DPYS: variants seen among roughly 807,000 people sequenced by gnomAD.
DPYS encodes the protein dihydropyrimidine amidohydrolase.
Under a neutral mutation model 50.3 loss-of-function variants are expected in DPYS, and 39 were observed. The ratio of observed to expected loss-of-function variants is 0.78; its 90% CI spans 0.60 to 1.01. The LOEUF (loss-of-function observed/expected upper bound fraction) is 1.01. Among genes scored for constraint, DPYS ranks in the 50% least tolerant of loss-of-function variants. The probability of loss-of-function intolerance (pLI) is 0.00; values close to 1 mark genes in which losing one functional copy is unlikely to be tolerated. For synonymous variants in DPYS, 245 were observed against 250.7 expected (o/e 0.98, Z 0.22); for missense variants, 659 against 680.9 (o/e 0.97, Z 0.36).
intron 9 of DPYS, 94 bp downstream of exon 9, chr8:104,381,090 G>A (rs1811014693): frequency 9.7e-7 from 1 of 1,033,888 alleles, no homozygotes; most frequent in African/African-American, 1.6e-5. Context: ...TCACTGTGAA[G>A]CCTCTGACCT....
In DPYS at chr8:104,379,664, T is replaced by C. The variant is rs1261833795; in HGVS notation, c.*194A>G. On this transcript the variant is annotated 3_prime_UTR_variant, in exon 10 of 10. Transcript: ENST00000351513. ...ATATAAATTTATACCTTCAATCTTA[T>C]GCAGCAACAAAAACACAGTGAGAAA... is the stretch of plus-strand genomic sequence containing the variant. 2.6e-6 allele frequency: 1 copy of C among 377,382 alleles called. No homozygotes were observed. The highest frequency in any genetic ancestry group is 5.3e-6 in the Non-Finnish European group (1 of 190,390). The allele number at this position is 377,382 out of a possible 1,614,324, so 23.4% of individuals were successfully genotyped here.
At chr8:104,431,399 C>G (rs1812951376) in intron 4 of DPYS, among the ~76,000 whole-genome samples, 1 of 151,176 alleles carries the variant, frequency 6.6e-6, no homozygotes, top group Non-Finnish European at 1.5e-5. Flanking sequence ...ACAACAAACT[C>G]TTCGTTAACT....
At chr8:104,455,483 G>A (rs1452098064) in intron 1 of DPYS, among the ~76,000 whole-genome samples, 2 of 152,202 alleles carry the variant, frequency 1.3e-5, no homozygotes, top group African/African-American at 4.8e-5. Context: ...GTGGACAGAG[G>A]AGGAGCATGA....
At chr8:104,407,927 C>G (rs958948597) in intron 7 of DPYS, among the ~76,000 whole-genome samples, 4 of 151,958 alleles carry the variant, frequency 2.6e-5, no homozygotes, top group African/African-American at 7.2e-5. Flanking sequence ...TATACACAAC[C>G]CTTTTCACTT....
chr8:104,465,574 TC>T (rs1446216639), intron 1 of DPYS, among the ~76,000 whole-genome samples: 1 of 152,178 alleles, frequency 6.6e-6, no homozygotes, highest in Admixed American at 6.5e-5. Flanking sequence ...AGTCTCTTGA[TC>T]TTGTGTTGAG....
At chr8:104,392,108 G>A (rs993069315) in intron 8 of DPYS, among the ~76,000 whole-genome samples, 24 of 152,170 alleles carry the variant, frequency 1.6e-4, no homozygotes, top group African/African-American at 5.1e-4. Context: ...CCATTGCTCT[G>A]GTGGTCATAA....
At chr8:104,408,642 A>C (rs1480977848) in intron 7 of DPYS, among the ~76,000 whole-genome samples, 1 of 152,164 alleles carries the variant, frequency 6.6e-6, no homozygotes, top group Non-Finnish European at 1.5e-5. Flanking sequence ...AATAGCAAAA[A>C]ATTTTAAAGC....
At chr8:104,387,570 G>C (rs993805132) in intron 8 of DPYS, among the ~76,000 whole-genome samples, 1 of 152,188 alleles carries the variant, frequency 6.6e-6, no homozygotes, top group Non-Finnish European at 1.5e-5. Flanking sequence ...ACAAGTTAAA[G>C]GGATTGGCTT....
At chr8:104,402,044 T>A (rs569075958) in intron 7 of DPYS, among the ~76,000 whole-genome samples, 1 of 152,186 alleles carries the variant, frequency 6.6e-6, no homozygotes, top group East Asian at 1.9e-4. Flanking sequence ...TCCCCAAGCA[T>A]TGACTTAAAG....
At position 104,466,759 on chromosome 8, in the gene DPYS, G is replaced by A; in HGVS notation, c.162C>T (p.Ala54=). The change falls in exon 1 of 10, where the codon GCC becomes GCT. Residue 54 remains alanine (A), a synonymous_variant. Transcript: ENST00000351513. ...CTCCGGGCAGGACGAGCTTGCCGGC[G>A]GCGTCGAGGACCCGCAGCCCCGCAG... ...GAPAGLRVLD[A]AGKLVLPGGI... The A allele has an allele frequency of 6.5e-7, 1 of 1,534,912 alleles. No individual in the cohort carries two copies. The highest frequency in any genetic ancestry group is 8.7e-7 in the Non-Finnish European group (1 of 1,145,808).
intron 4 of DPYS, among the ~76,000 whole-genome samples, chr8:104,432,526 A>G (rs1812990833): frequency 6.6e-6 from 1 of 152,250 alleles, no homozygotes; most frequent in Non-Finnish European, 1.5e-5. Flanking sequence ...ACATATTCAT[A>G]GAAATAAATC....
intron 4 of DPYS, among the ~76,000 whole-genome samples, chr8:104,434,112 T>C (rs1160237645): frequency 6.6e-6 from 1 of 152,208 alleles, no homozygotes; most frequent in East Asian, 1.9e-4. Flanking sequence ...TACATTGTTC[T>C]GGACAGAAAG....
chr8:104,434,511 T>C (rs1448850734), intron 4 of DPYS, among the ~76,000 whole-genome samples: 1 of 152,226 alleles, frequency 6.6e-6, no homozygotes, highest in African/African-American at 2.4e-5. Context: ...CTTAGAATTT[T>C]ATTTTTGGTT....
At chr8:104,409,760 G>A (rs1446347675) in intron 7 of DPYS, among the ~76,000 whole-genome samples, 1 of 152,112 alleles carries the variant, frequency 6.6e-6, no homozygotes, top group Non-Finnish European at 1.5e-5. Context: ...CCATATTAAA[G>A]GCATTAACTC....
chr8:104,459,093 G>GTTTTCTCAACTTTTCTCA (rs1814029960), intron 1 of DPYS, among the ~76,000 whole-genome samples: 1 of 152,164 alleles, frequency 6.6e-6, no homozygotes, highest in Non-Finnish European at 1.5e-5. Flanking sequence ...AGAAAAAATT[G>GTTTTCTCAACTTTTCTCA]AAGTGTCCTT....
intron 7 of DPYS, among the ~76,000 whole-genome samples, chr8:104,400,596 G>A (rs1449096393): frequency 6.6e-6 from 1 of 152,204 alleles, no homozygotes; most frequent in East Asian, 1.9e-4. Flanking sequence ...TCTAGGGAGT[G>A]AGGCTGAGTT....
intron 2 of DPYS, among the ~76,000 whole-genome samples, chr8:104,449,662 A>G (rs971566551): frequency 1.3e-5 from 2 of 152,234 alleles, no homozygotes; most frequent in Non-Finnish European, 1.5e-5. Flanking sequence ...CCTTATATCA[A>G]GTGGAAACTG....
At chr8:104,456,737 T>C (rs888884055) in intron 1 of DPYS, among the ~76,000 whole-genome samples, 3 of 152,230 alleles carry the variant, frequency 2.0e-5, no homozygotes, top group African/African-American at 7.2e-5. Context: ...TTTTCTAACC[T>C]GGCTCACAAA....
chr8:104,387,653 T>C (rs867467651), intron 8 of DPYS, among the ~76,000 whole-genome samples: 2 of 152,218 alleles, frequency 1.3e-5, no homozygotes, highest in East Asian at 1.9e-4. Flanking sequence ...TGAGCCTCTA[T>C]TTCTTAATAT....
Sources: gnomAD v4.1 joint callset for allele counts (sites outside exome capture counted in the v4.1 genomes callset) on GRCh38, gnomAD v4.1.1 for gene constraint, MANE v1.5 for transcripts, NCBI Gene and HGNC (gene_info 2026-07-23, HGNC 2026-07-21) for gene names.